Variants in ANK3 observed in about 807,000 individuals in gnomAD.
ANK3 encodes the protein ankyrin-3.
ANK3 carries 57 observed loss-of-function variants against 370.9 expected under a neutral mutation model. That is an observed-to-expected ratio of 0.15 (90% CI 0.12 to 0.19). ANK3 has a LOEUF of 0.19. ANK3 is among the 10% of genes least tolerant of loss of function. ANK3 has a pLI of 1.00. For synonymous variants in ANK3, 1,929 were observed against 1,946.3 expected (o/e 0.99, Z 0.23); for missense variants, 4,439 against 5,302.1 (o/e 0.84, Z 5.06).
chr10:60,415,558 C>T (rs771173493), intron 2 of ANK3, among the ~76,000 whole-genome samples: 4 of 152,036 alleles, frequency 2.6e-5, no homozygotes, highest in Admixed American at 6.6e-5. Flanking sequence ...GTTCCCACAC[C>T]CTGCTACAGG....
intron 23 of ANK3, among the ~76,000 whole-genome samples, chr10:60,152,011 A>G (rs1367895124): frequency 7.2e-6 from 1 of 139,348 alleles, no homozygotes; most frequent in Non-Finnish European, 1.7e-5. Context: ...ATCATGGTAA[A>G]TACCTTGTTT....
intron 43 of ANK3, among the ~76,000 whole-genome samples, chr10:60,037,406 C>A (rs1228729878): frequency 2.0e-5 from 3 of 152,152 alleles, no homozygotes; most frequent in African/African-American, 7.2e-5. Flanking sequence ...CACCCAGGTA[C>A]TAAGCCTAGT....
intron 10 of ANK3, among the ~76,000 whole-genome samples, chr10:60,207,531 T>G (rs1333533356): frequency 2.0e-5 from 3 of 152,144 alleles, no homozygotes; most frequent in Non-Finnish European, 2.9e-5. Flanking sequence ...CAAATTAAAG[T>G]GAAGCCTATA....
At position 60,421,185 on chromosome 10, in the gene ANK3, T is replaced by A. The variant is rs376899436; in HGVS notation, c.97-141546A>T. Among the ~76,000 whole-genome samples, 217 of 152,118 alleles carry A rather than the reference T, an allele frequency of 1.4e-3. 8 individuals carry two copies. The South Asian group carries it at 0.044, about 31-fold the overall frequency. On this transcript the variant is annotated intron_variant, in intron 2 of 43. Coordinates refer to the ANK3 transcript ENST00000373827. ...GAGATTTCCGGAGCGAAGAGGAGAA[T>A]TGGCAGCTATTGCTTAATAATAGAG...
intron 2 of ANK3, among the ~76,000 whole-genome samples, chr10:60,516,833 A>G (rs1024383602): frequency 1.3e-5 from 2 of 152,082 alleles, no homozygotes; most frequent in African/African-American, 4.8e-5. Context: ...AGCTGTCACT[A>G]AAGGGATCAC....
intron 1 of ANK3, among the ~76,000 whole-genome samples, chr10:60,349,846 T>C (rs1337883436): frequency 2.0e-5 from 3 of 152,194 alleles, no homozygotes; most frequent in Admixed American, 2.0e-4. Flanking sequence ...CAAGTCATAA[T>C]TTTTAGAAGT....
At chr10:60,037,399 C>G (rs938494392) in intron 43 of ANK3, among the ~76,000 whole-genome samples, 1 of 152,088 alleles carries the variant, frequency 6.6e-6, no homozygotes, top group African/African-American at 2.4e-5. Context: ...ATTTTGCCAC[C>G]CAGGTACTAA....
At chr10:60,375,044 C>T (rs555753843) in intron 1 of ANK3, among the ~76,000 whole-genome samples, 1 of 152,208 alleles carries the variant, frequency 6.6e-6, no homozygotes, top group South Asian at 2.1e-4. Flanking sequence ...TATACACGCA[C>T]AGAAAAACAT....
At chr10:60,414,043 T>C (rs990572342) in intron 2 of ANK3, among the ~76,000 whole-genome samples, 33 of 152,210 alleles carry the variant, frequency 2.2e-4, no homozygotes, top group Non-Finnish European at 4.3e-4. Flanking sequence ...TGCTCTGTAA[T>C]TCATGAAAGT....
intron 2 of ANK3, among the ~76,000 whole-genome samples, chr10:60,403,972 A>C (rs1192490951): frequency 6.6e-6 from 1 of 152,214 alleles, no homozygotes; most frequent in Admixed American, 6.5e-5. Context: ...TGGAAAATCG[A>C]ATTTAAAAAA....
intron 18 of ANK3, among the ~76,000 whole-genome samples, chr10:60,176,787 C>T (rs1440562210): frequency 6.6e-6 from 1 of 151,924 alleles, no homozygotes; most frequent in African/African-American, 2.4e-5. Flanking sequence ...ATAAAATAAA[C>T]AAAAACAAAC....
intron 1 of ANK3, among the ~76,000 whole-genome samples, chr10:60,715,550 A>G (rs2079774301): frequency 6.6e-6 from 1 of 152,192 alleles, no homozygotes; most frequent in Non-Finnish European, 1.5e-5. Context: ...GAACAATTTA[A>G]ACAAAAGCAC....
intron 16 of ANK3, among the ~76,000 whole-genome samples, chr10:60,188,276 C>T (rs781753151): frequency 6.6e-6 from 1 of 152,146 alleles, no homozygotes; most frequent in African/African-American, 2.4e-5. Context: ...TCAGCTGTGC[C>T]TCAGGAGCCA....
chr10:60,417,122 A>G (rs2063685306), intron 2 of ANK3, among the ~76,000 whole-genome samples: 1 of 152,202 alleles, frequency 6.6e-6, no homozygotes, highest in African/African-American at 2.4e-5. Flanking sequence ...GCAGGAAAGA[A>G]CTGCATTAAC....
chr10:60,552,461 T>C (rs1188421546), intron 2 of ANK3, among the ~76,000 whole-genome samples: 2 of 152,228 alleles, frequency 1.3e-5, no homozygotes, highest in Non-Finnish European at 2.9e-5. Context: ...TAAAGTTTTA[T>C]GGATAATTAC....
intron 1 of ANK3, among the ~76,000 whole-genome samples, chr10:60,289,264 CTT>C (rs34525147): frequency 0.048 from 6,390 of 134,472 alleles, 465 homozygotes; most frequent in African/African-American, 0.16. Flanking sequence ...TATGCCCTGC[CTT>C]TTTTTTTTTT....
intron 2 of ANK3, among the ~76,000 whole-genome samples, chr10:60,583,500 A>G (rs2077783919): frequency 6.0e-5 from 9 of 148,972 alleles, no homozygotes; most frequent in Non-Finnish European, 1.0e-4. Context: ...TAGCTTACAG[A>G]GAGGTTTTTT....
intron 2 of ANK3, among the ~76,000 whole-genome samples, chr10:60,452,530 T>C (rs1032614941): frequency 5.3e-5 from 8 of 152,148 alleles, no homozygotes; most frequent in Admixed American, 2.0e-4. Context: ...TCCCCTTCGA[T>C]TGCCTTAAAA....
At chr10:60,419,041 A>G (rs1485138012) in intron 2 of ANK3, among the ~76,000 whole-genome samples, 1 of 151,756 alleles carries the variant, frequency 6.6e-6, no homozygotes, top group East Asian at 1.9e-4. Flanking sequence ...TTTTAGGTTG[A>G]AATTCTCAAT....
Sources: allele counts gnomAD v4.1 joint callset (sites outside exome capture counted in the v4.1 genomes callset), GRCh38; gene constraint gnomAD v4.1.1; transcripts MANE v1.5; gene names NCBI Gene and HGNC (gene_info 2026-07-23, HGNC 2026-07-21).